Variants in SCN11A observed in about 807,000 individuals in gnomAD.
SCN11A encodes the protein sodium voltage-gated channel alpha subunit 11, also known as sodium channel protein type 11 subunit alpha.
A neutral mutation model predicts 162.2 loss-of-function variants in SCN11A; 122 were observed. The ratio of observed to expected loss-of-function variants is 0.75; its 90% CI spans 0.65 to 0.87. The LOEUF (loss-of-function observed/expected upper bound fraction) is 0.87. Ranked by LOEUF, SCN11A falls within the 40% of genes least tolerant of loss-of-function variation. The pLI is 0.00. For synonymous variants in SCN11A, 758 were observed against 751.5 expected (o/e 1.01, Z -0.14); for missense variants, 2,015 against 2,181.6 (o/e 0.92, Z 1.52).
chr3:39,009,931 T>C (rs1424404420), intron 2 of SCN11A, among the ~76,000 whole-genome samples: 1 of 149,572 alleles, frequency 6.7e-6, no homozygotes, highest in Non-Finnish European at 1.5e-5. Flanking sequence ...GCTATCCTCC[T>C]ACCTCCGCGT....
chr3:39,008,372 G>T (rs2031033795), intron 2 of SCN11A, among the ~76,000 whole-genome samples: 1 of 152,094 alleles, frequency 6.6e-6, no homozygotes, highest in African/African-American at 2.4e-5. Context: ...GCTACTGCAG[G>T]ATATATTCCA....
intron 2 of SCN11A, among the ~76,000 whole-genome samples, chr3:39,024,114 C>G (rs957463553): frequency 1.3e-5 from 2 of 152,204 alleles, no homozygotes; most frequent in African/African-American, 4.8e-5. Flanking sequence ...GACAGGTTAA[C>G]AAGAGAAGAA....
intron 2 of SCN11A, among the ~76,000 whole-genome samples, chr3:39,018,790 C>T (rs1401837490): frequency 6.6e-6 from 1 of 152,104 alleles, no homozygotes; most frequent in Non-Finnish European, 1.5e-5. Flanking sequence ...TGCACTCCAG[C>T]CTGGGTGACA....
chr3:38,918,798 A>G (rs909178844), intron 11 of SCN11A, among the ~76,000 whole-genome samples: 3 of 152,166 alleles, frequency 2.0e-5, no homozygotes, highest in African/African-American at 7.2e-5. Context: ...CAAGGTCACA[A>G]CCCCATCATA....
chr3:39,021,759 C>T (rs2031458522), intron 2 of SCN11A, among the ~76,000 whole-genome samples: 1 of 152,132 alleles, frequency 6.6e-6, no homozygotes. Flanking sequence ...AATGATACGA[C>T]TCAGGTAAAA....
At position 38,896,918 on chromosome 3, in the gene SCN11A, A is replaced by G. The variant is rs4302324; in HGVS notation, c.2330T>C (p.Met777Thr). 1 of 1,613,658 alleles carries G rather than the reference A, an allele frequency of 6.2e-7. No individual in the cohort carries two copies. Among genetic ancestry groups the G allele is most frequent in the South Asian group, 1.1e-5 (1 of 91,056 alleles). ...TGATGATGATGCATTCGCTTCTTGC[A>G]TACATTCCCACATATTTTCGATCCA... ...GEWIENMWEC[M>T]QEANASSSLC... Residue 777 changes from methionine to threonine, a missense_variant, in exon 18 of 30, where the codon ATG (methionine) becomes ACG (threonine). By Grantham distance (81) the Met-to-Thr change is moderately conservative. Coordinates refer to ENST00000302328, the MANE Select transcript of SCN11A (RefSeq NM_001349253.2).
At chr3:38,997,844 T>C (rs1187605850) in intron 2 of SCN11A, among the ~76,000 whole-genome samples, 5 of 152,264 alleles carry the variant, frequency 3.3e-5, no homozygotes, top group Non-Finnish European at 7.3e-5. Context: ...ACATAATACC[T>C]GTAAGTATTT....
chr3:39,014,528 T>C (rs1425458360), intron 2 of SCN11A, among the ~76,000 whole-genome samples: 12 of 152,226 alleles, frequency 7.9e-5, no homozygotes, highest in Non-Finnish European at 1.5e-5. Flanking sequence ...TGGTAAAGTA[T>C]TGTCTCTCAA....
At chr3:38,948,945 G>C (rs1047072843) in intron 5 of SCN11A, among the ~76,000 whole-genome samples, 1 of 152,152 alleles carries the variant, frequency 6.6e-6, no homozygotes, top group South Asian at 2.1e-4. Context: ...GAGTGTTTTT[G>C]CTCCTTCAAT....
At chr3:39,001,800 C>T (rs1005751350) in intron 2 of SCN11A, among the ~76,000 whole-genome samples, 7 of 152,018 alleles carry the variant, frequency 4.6e-5, no homozygotes, top group African/African-American at 1.7e-4. Context: ...TTTGGGAGGC[C>T]AAGGTGGGCG....
At chr3:38,902,812 C>T (rs559991001) in intron 16 of SCN11A, among the ~76,000 whole-genome samples, 15 of 151,598 alleles carry the variant, frequency 9.9e-5, no homozygotes, top group South Asian at 2.1e-4. Flanking sequence ...CCACTGTGCT[C>T]GGCTGCAGTG....
chr3:38,904,853 TTGAC>T (rs1301247999), intron 15 of SCN11A, among the ~76,000 whole-genome samples: 3 of 152,186 alleles, frequency 2.0e-5, no homozygotes, highest in African/African-American at 4.8e-5. Context: ...CTTCTGTTCT[TTGAC>T]TGACTATTGT....
At chr3:38,988,528 A>G (rs761782517) in intron 2 of SCN11A, among the ~76,000 whole-genome samples, 5 of 152,026 alleles carry the variant, frequency 3.3e-5, no homozygotes, top group African/African-American at 7.3e-5. Context: ...TCCCCTGTCC[A>G]GCCCTTACTC....
chr3:39,031,235 G>A (rs2031741663), intron 2 of SCN11A, among the ~76,000 whole-genome samples: 1 of 152,078 alleles, frequency 6.6e-6, no homozygotes, highest in Non-Finnish European at 1.5e-5. Context: ...TAAAACCGAG[G>A]TCTTGGCCAG....
intron 21 of SCN11A, 121 bp downstream of exon 21, chr3:38,885,167 A>C: frequency 1.6e-6 from 1 of 640,900 alleles, no homozygotes; most frequent in Non-Finnish European, 2.8e-6. Flanking sequence ...GTGCCCTCTC[A>C]TTGCTTTTGT....
At chr3:39,027,103 C>A (rs2031607273) in intron 2 of SCN11A, among the ~76,000 whole-genome samples, 1 of 151,822 alleles carries the variant, frequency 6.6e-6, no homozygotes, top group African/African-American at 2.4e-5. Context: ...GAATGGGTCA[C>A]TCTACTAGAA....
intron 2 of SCN11A, among the ~76,000 whole-genome samples, chr3:38,999,548 C>G (rs1249233627): frequency 1.3e-5 from 2 of 151,734 alleles, no homozygotes; most frequent in African/African-American, 2.4e-5. Flanking sequence ...TAATCAAACT[C>G]TGCCAGACCC....
intron 7 of SCN11A, among the ~76,000 whole-genome samples, chr3:38,942,077 A>G (rs1479487108): frequency 6.6e-6 from 1 of 152,146 alleles, no homozygotes; most frequent in African/African-American, 2.4e-5. Context: ...TAGACAAAAC[A>G]AATATTTAAA....
At chr3:38,989,419 G>C (rs2030379817) in intron 2 of SCN11A, among the ~76,000 whole-genome samples, 1 of 152,196 alleles carries the variant, frequency 6.6e-6, no homozygotes, top group Non-Finnish European at 1.5e-5. Context: ...AAGTTTTGGA[G>C]TGAGCTGTTA....
Sources: gnomAD v4.1 joint callset for allele counts (sites outside exome capture counted in the v4.1 genomes callset) on GRCh38, gnomAD v4.1.1 for gene constraint, MANE v1.5 for transcripts, NCBI Gene and HGNC (gene_info 2026-07-23, HGNC 2026-07-21) for gene names.